ATXN7L1: variants seen among roughly 807,000 people sequenced by gnomAD.
ATXN7L1 encodes ataxin-7-like protein 1.
ATXN7L1 carries 15 observed loss-of-function variants against 70.8 expected under a neutral mutation model. That is an observed-to-expected ratio of 0.21 (90% CI 0.14 to 0.33). The LOEUF (loss-of-function observed/expected upper bound fraction) is 0.33, where lower values mean the gene tolerates loss of function less well. ATXN7L1 is among the 10% of genes least tolerant of loss of function. ATXN7L1 has a pLI of 1.00. For missense variants in ATXN7L1, 975 were observed against 1,097.1 expected (o/e 0.89, Z 1.57); for synonymous variants, 440 against 445.1 (o/e 0.99, Z 0.14).
At chr7:105,645,640 C>CA (rs34135377) in intron 4 of ATXN7L1, among the ~76,000 whole-genome samples, 43,238 of 123,854 alleles carry the variant, frequency 0.35, 7,279 homozygotes, top group Admixed American at 0.44. Context: ...GCTAAAAATC[C>CA]AAAAAAAAAA....
At chr7:105,748,121 A>T (rs1584911658) in intron 3 of ATXN7L1, among the ~76,000 whole-genome samples, 1 of 126,212 alleles carries the variant, frequency 7.9e-6, no homozygotes, top group African/African-American at 2.8e-5. Flanking sequence ...CATCTCAAAA[A>T]AAAAAAAAAA....
At chr7:105,760,137 CA>C (rs896303944) in intron 3 of ATXN7L1, 1 of 933,912 alleles carries the variant, frequency 1.1e-6, no homozygotes, top group Admixed American at 6.2e-5. Flanking sequence ...CTCCTCTTGT[CA>C]CTCATACTGG....
At chr7:105,630,938 T>C (rs1721478) in intron 7 of ATXN7L1, among the ~76,000 whole-genome samples, 148,265 of 152,232 alleles carry the variant, frequency 0.97, 72,321 homozygotes, top group East Asian at 1. Context: ...AAAGGTGGTC[T>C]TCAGCTTCAT....
intron 8 of ATXN7L1, 59 bp downstream of exon 8, chr7:105,624,016 C>T (rs1795308308): frequency 7.5e-7 from 1 of 1,325,938 alleles, no homozygotes; most frequent in Non-Finnish European, 9.8e-7. Flanking sequence ...GGTATGATCA[C>T]CTAAGTGTCT....
intron 2 of ATXN7L1, among the ~76,000 whole-genome samples, chr7:105,847,137 A>T (rs1195439924): frequency 6.6e-6 from 1 of 152,186 alleles, no homozygotes; most frequent in Admixed American, 6.5e-5. Context: ...TTATTAAAAC[A>T]CATACATAAA....
Position 105,605,482 on chromosome 7 carries a change from G to GT in ATXN7L1, c.*2369_*2370insA, listed in dbSNP as rs1380255674. 138 of 98,552 alleles carry GT rather than the reference G, an allele frequency of 1.4e-3. 1 individual carries two copies. The highest frequency in any genetic ancestry group is 4.4e-3 in the African/African-American group (123 of 28,052). The allele number at this position is 98,552 out of a possible 1,614,324, so 6.1% of individuals were successfully genotyped here. A position where few individuals can be genotyped will look rare whatever the true frequency, so the allele number is the denominator to read the frequency against. On this transcript the variant is annotated 3_prime_UTR_variant, in exon 12 of 12. Transcript: ENST00000419735. ...AGCAGCATTCGATGAGGGTGGGGGG[G>GT]GGGGTGGGGGCTCTTTATTCCAGCT...
chr7:105,614,017 C>T lies in ATXN7L1; in HGVS notation c.2317G>A (p.Asp773Asn). The part of the protein sequence containing the change: ...NAVSSLPLSF[D>N]KSEGKKRKNS... Reference sequence around the variant, plus strand: ...TTACGCTTTTTTCCTTCTGATTTGTCAAAAGAGAGGGGCAGAGAAGACACA... The same window carrying T: ...TTACGCTTTTTTCCTTCTGATTTGTTAAAAGAGAGGGGCAGAGAAGACACA... Residue 773 changes from aspartate (D) to asparagine (N), a missense_variant, in exon 10 of 12, where the codon GAC (aspartate) becomes AAC (asparagine). By Grantham distance (23) the Asp-to-Asn change is conservative. Transcript: ENST00000419735. This position sits in a 1 kb window ranked among gnomAD's most constrained non-coding sequence, Gnocchi z 4.3. 1.3e-6 allele frequency: 2 copies of T among 1,551,988 alleles called. No individual in the cohort carries two copies. Among genetic ancestry groups the T allele is most frequent in the East Asian group, 2.4e-5 (1 of 40,924 alleles).
At chr7:105,671,649 C>A (rs113881485) in intron 3 of ATXN7L1, among the ~76,000 whole-genome samples, 3,000 of 152,164 alleles carry the variant, frequency 0.02, 95 homozygotes, top group African/African-American at 0.068. Context: ...GTAATTCCCG[C>A]ACTTTGGGAG....
intron 4 of ATXN7L1, among the ~76,000 whole-genome samples, chr7:105,660,558 T>C (rs1801432432): frequency 6.7e-6 from 1 of 148,436 alleles, no homozygotes; most frequent in Non-Finnish European, 1.5e-5. Flanking sequence ...CTTGTCCTTC[T>C]AATTTAGCGG....
intron 3 of ATXN7L1, among the ~76,000 whole-genome samples, chr7:105,695,344 A>G (rs1490519223): frequency 2.0e-5 from 3 of 152,094 alleles, no homozygotes; most frequent in Non-Finnish European, 4.4e-5. Flanking sequence ...TTTTCTCAAC[A>G]TTCCCTGTCT....
chr7:105,876,511 G>A lies in ATXN7L1; in HGVS notation c.48C>T (p.Ala16=), dbSNP rs368484502. ...CTTGTTGCTTTTTCCCTGTTCCTTC[G>A]GCAGCAGCAGCCGAGAGACACGGGA... The part of the protein sequence containing the change: ...SRIPCLSAAA[A]EGTGKKQQEG... Residue 16 remains alanine (A), a synonymous_variant, in exon 1 of 12, where the codon GCC becomes GCT. Coordinates refer to ENST00000419735, the MANE Select transcript of ATXN7L1 (RefSeq NM_020725.2). 254 of 1,613,068 alleles carry A rather than the reference G, an allele frequency of 1.6e-4. No individual in the cohort carries two copies. The highest frequency in any genetic ancestry group is 2.0e-4 in the Non-Finnish European group (231 of 1,179,642).
chr7:105,858,016 A>G (rs962231546), intron 2 of ATXN7L1, among the ~76,000 whole-genome samples: 4 of 152,140 alleles, frequency 2.6e-5, no homozygotes, highest in Non-Finnish European at 4.4e-5. Flanking sequence ...AGGATTGCTT[A>G]GGCCCAGGAG....
At chr7:105,832,970 A>T (rs1164268444) in intron 2 of ATXN7L1, among the ~76,000 whole-genome samples, 3 of 152,156 alleles carry the variant, frequency 2.0e-5, no homozygotes, top group African/African-American at 7.2e-5. Context: ...CCTTTACCCC[A>T]GAAGAGCAGA....
chr7:105,697,733 C>A (rs35261043), intron 3 of ATXN7L1, among the ~76,000 whole-genome samples: 6,483 of 152,272 alleles, frequency 0.043, 193 homozygotes, highest in Admixed American at 0.066. Context: ...TTAGAGATTG[C>A]AGTAAAGACA....
At chr7:105,699,081 T>G (rs1792109864) in intron 3 of ATXN7L1, among the ~76,000 whole-genome samples, 1 of 152,162 alleles carries the variant, frequency 6.6e-6, no homozygotes, top group Non-Finnish European at 1.5e-5. Context: ...TTTAAAAAGA[T>G]TGTAGCCACA....
chr7:105,747,142 C>T (rs371084906), intron 3 of ATXN7L1, among the ~76,000 whole-genome samples: 5 of 152,150 alleles, frequency 3.3e-5, no homozygotes, highest in South Asian at 2.1e-4. Context: ...CTGATGGCAG[C>T]GGGTAAGTAG....
intron 2 of ATXN7L1, among the ~76,000 whole-genome samples, chr7:105,809,791 G>C (rs1198764949): frequency 6.7e-6 from 1 of 149,598 alleles, no homozygotes; most frequent in Non-Finnish European, 1.5e-5. Flanking sequence ...TTTTTTCCAA[G>C]ACAGGGTCTC....
At position 105,805,100 on chromosome 7, in the gene ATXN7L1, C is replaced by T. The variant is rs114024790; in HGVS notation, c.251-16392G>A. 4.1e-3 allele frequency among the ~76,000 whole-genome samples: 627 copies of T among 152,248 alleles called. 3 individuals are homozygous for T. Among genetic ancestry groups the T allele is most frequent in the African/African-American group, 0.014 (602 of 41,526 alleles). The stretch of plus-strand genomic sequence containing the variant: ...TACACACTTAAAACAACGAACGAGC[C>T]GGACAGTAGAGTGAGCTGATGTAGT... On this transcript the variant is annotated intron_variant, in intron 2 of 11. Transcript: ENST00000419735.
chr7:105,819,444 T>TA (rs1809728919), intron 2 of ATXN7L1: 17 of 626,076 alleles, frequency 2.7e-5, no homozygotes, highest in African/African-American at 1.9e-4. Context: ...TATTTGGGAT[T>TA]TAAAAAAAAA....
Sources: gnomAD v4.1 joint callset for allele counts (sites outside exome capture counted in the v4.1 genomes callset) on GRCh38, gnomAD v4.1.1 for gene constraint, Gnocchi (gnomAD v3.1) non-coding constraint, MANE v1.5 for transcripts, NCBI Gene and HGNC (gene_info 2026-07-23, HGNC 2026-07-21) for gene names.